The following SHE variants were observed in gnomAD, a reference collection of about 807,000 sequenced individuals.
SHE encodes the protein SH2 domain-containing adapter protein E.
Under a neutral mutation model 49.8 loss-of-function variants are expected in SHE, and 11 were observed. The observed-to-expected ratio is 0.22, with a 90% CI of 0.14 to 0.37. The LOEUF (loss-of-function observed/expected upper bound fraction) is 0.37, where lower values mean the gene tolerates loss of function less well. Among genes scored for constraint, SHE ranks in the 10% least tolerant of loss-of-function variants. The probability of loss-of-function intolerance (pLI) is 1.00; values close to 1 mark genes in which losing one functional copy is unlikely to be tolerated. For missense variants in SHE, 624 were observed against 655.5 expected (o/e 0.95, Z 0.52); for synonymous variants, 310 against 278.1 (o/e 1.11, Z -1.14).
chr1:154,492,101 T>G (rs1692386077), intron 2 of SHE, among the ~76,000 whole-genome samples: 1 of 152,130 alleles, frequency 6.6e-6, no homozygotes, highest in African/African-American at 2.4e-5. Context: ...GAAACGTTAT[T>G]AAAATCAGGA....
intron 3 of SHE, 139 bp downstream of exon 3, chr1:154,488,912 C>A: frequency 8.3e-7 from 1 of 1,200,696 alleles, no homozygotes; most frequent in Middle Eastern, 3.0e-4. Flanking sequence ...ATGGTCATTT[C>A]AGGCATTTCC....
chr1:154,484,016 C>T lies in SHE; in HGVS notation c.*133G>A. On this transcript the variant is annotated 3_prime_UTR_variant, in exon 6 of 6. Transcript: ENST00000304760. Reference sequence around the variant, plus strand: ...TCGTCTCAAACAAAACAAAACAAATCACTCTCTGACTTTTCAAGGAAGACT... The same window carrying T: ...TCGTCTCAAACAAAACAAAACAAATTACTCTCTGACTTTTCAAGGAAGACT... 7.0e-7 allele frequency: 1 copy of T among 1,436,736 alleles called. No homozygotes were observed. Among genetic ancestry groups the T allele is most frequent in the Non-Finnish European group, 9.2e-7 (1 of 1,092,892 alleles). The allele number at this position is 1,436,736 out of a possible 1,614,324, so 89.0% of individuals were successfully genotyped here. A position where few individuals can be genotyped will look rare whatever the true frequency, so the allele number is the denominator to read the frequency against.
Position 154,502,031 on chromosome 1 carries a change from C to A in SHE, c.-5G>T. 2 of 1,321,816 alleles carry A rather than the reference C, an allele frequency of 1.5e-6. No homozygotes were observed. Among genetic ancestry groups the A allele is most frequent in the South Asian group, 2.2e-5 (1 of 46,258 alleles). The allele number at this position is 1,321,816 out of a possible 1,614,324, so 81.9% of individuals were successfully genotyped here. On this transcript the variant is annotated 5_prime_UTR_variant, in exon 1 of 6. Coordinates refer to ENST00000304760, the MANE Select transcript of SHE (RefSeq NM_001010846.3). Reference sequence around the variant, plus strand: ...AGGGGTCGGGGACCACTGCATTCCCCGTGACTGGGGCGCTGGAGGCCGCGG... The same window carrying A: ...AGGGGTCGGGGACCACTGCATTCCCAGTGACTGGGGCGCTGGAGGCCGCGG...
At chr1:154,489,817 T>TA (rs1273899253) in intron 2 of SHE, among the ~76,000 whole-genome samples, 3 of 152,238 alleles carry the variant, frequency 2.0e-5, no homozygotes, top group Non-Finnish European at 4.4e-5. Flanking sequence ...TTAATACATG[T>TA]AACTTACTCA....
At position 154,480,614 on chromosome 1, in the gene SHE, G is replaced by A. The variant is rs796662667; in HGVS notation, c.*3535C>T. On this transcript the variant is annotated 3_prime_UTR_variant, in exon 6 of 6. Transcript: ENST00000304760. ...CACAAATACCAATTCTGCAAAGTAC[G>A]GAGACTTCCAACAGCAAAGAATAAA... The A allele has an allele frequency of 2.9e-5, 29 of 985,376 alleles. No homozygotes were observed. The African/African-American group carries it at 3.1e-4, about 11-fold the overall frequency. The allele number at this position is 985,376 out of a possible 1,614,324, so 61.0% of individuals were successfully genotyped here.
downstream of SHE, among the ~76,000 whole-genome samples, chr1:154,478,428 C>CAAAAAA (rs10594379): frequency 2.6e-5 from 3 of 113,374 alleles, no homozygotes; most frequent in African/African-American, 1.1e-4. Flanking sequence ...ATAAAAAGTG[C>CAAAAAA]AAAAAAAAAA....
In SHE at chr1:154,481,666, C is replaced by T. The variant is rs1482799575; in HGVS notation, c.*2483G>A. ...AGAATAAGGTTAAGTAAAAACGTTT[C>T]ATTTCTAGAATGTTAAACTAAAAAT... is the stretch of plus-strand genomic sequence containing the variant. On this transcript the variant is annotated 3_prime_UTR_variant, in exon 6 of 6. Transcript: ENST00000304760. The T allele has an allele frequency of 1.0e-6, 1 of 976,404 alleles. No individual in the cohort carries two copies. The highest frequency in any genetic ancestry group is 1.8e-5 in the African/African-American group (1 of 56,960). The allele number at this position is 976,404 out of a possible 1,614,324, so 60.5% of individuals were successfully genotyped here. A position where few individuals can be genotyped will look rare whatever the true frequency, so the allele number is the denominator to read the frequency against.
chr1:154,494,377 T>G (rs895928847), intron 2 of SHE, among the ~76,000 whole-genome samples: 13 of 148,154 alleles, frequency 8.8e-5, no homozygotes, highest in Non-Finnish European at 1.4e-4. Flanking sequence ...CATAACAGTT[T>G]TTTTTTTTTT....
intron 2 of SHE, among the ~76,000 whole-genome samples, chr1:154,491,127 TA>T (rs1290786675): frequency 2.6e-5 from 4 of 152,166 alleles, no homozygotes; most frequent in South Asian, 2.1e-4. Flanking sequence ...GTGGCTCTTC[TA>T]AACGCCCATC....
downstream of SHE, among the ~76,000 whole-genome samples, chr1:154,475,244 C>T (rs775487781): frequency 2.4e-4 from 37 of 151,856 alleles, no homozygotes; most frequent in Non-Finnish European, 4.9e-4. Flanking sequence ...TGGAGTGCAA[C>T]GGCGTGATCT....
At chr1:154,485,026 TA>T (rs1692130610) in intron 5 of SHE, 1 of 150,646 alleles carries the variant, frequency 6.6e-6, no homozygotes, top group Non-Finnish European at 1.5e-5. Context: ...TCACCACAGC[TA>T]AAAGGACGTA....
intron 3 of SHE, 27 bp from the exon 4 acceptor site, chr1:154,486,710 A>C (rs1317348754): frequency 6.2e-7 from 1 of 1,612,936 alleles, no homozygotes; most frequent in Non-Finnish European, 8.5e-7. Context: ...ATTTAACATC[A>C]CAGGCCACTG....
At chr1:154,478,646 A>G (rs1229200749), downstream of SHE, among the ~76,000 whole-genome samples, 1 of 152,166 alleles carries the variant, frequency 6.6e-6, no homozygotes, top group Non-Finnish European at 1.5e-5. Context: ...GTGCGGAAAA[A>G]GAGTCTATTC....
Position 154,482,942 on chromosome 1 carries a change from G to C in SHE, c.*1207C>G. On this transcript the variant is annotated 3_prime_UTR_variant, in exon 6 of 6. Transcript: ENST00000304760. ...ACTACAAAGCAAATCTAATTTTAGA[G>C]ACAAAAATTAAAAATTATTCCATAG... The C allele has an allele frequency of 1.0e-6, 1 of 984,838 alleles. No individual in the cohort carries two copies. The allele number at this position is 984,838 out of a possible 1,614,324, so 61.0% of individuals were successfully genotyped here. A position where few individuals can be genotyped will look rare whatever the true frequency, so the allele number is the denominator to read the frequency against.
intron 3 of SHE, among the ~76,000 whole-genome samples, chr1:154,487,609 T>C (rs1458807636): frequency 6.6e-6 from 1 of 151,902 alleles, no homozygotes. Flanking sequence ...CCCAGCACTT[T>C]GGGAGGCTGA....
At chr1:154,487,114 A>G (rs1178613671) in intron 3 of SHE, among the ~76,000 whole-genome samples, 1 of 152,090 alleles carries the variant, frequency 6.6e-6, no homozygotes, top group Non-Finnish European at 1.5e-5. Flanking sequence ...TCTACTAAAA[A>G]TACAAAAAGT....
In SHE at chr1:154,481,874, G is replaced by A. The variant is rs1247553168; in HGVS notation, c.*2275C>T. ...TTTTGTTTGCTTGCTTGTTGAGACA[G>A]GGTCTCACTCTGTCACTCAGGCTGG... On this transcript the variant is annotated 3_prime_UTR_variant, in exon 6 of 6. Coordinates refer to ENST00000304760, the MANE Select transcript of SHE (RefSeq NM_001010846.3). 17 of 837,708 alleles carry A rather than the reference G, an allele frequency of 2.0e-5. No individual in the cohort carries two copies. The highest frequency in any genetic ancestry group is 2.3e-5 in the Non-Finnish European group (16 of 695,380). The allele number at this position is 837,708 out of a possible 1,614,324, so 51.9% of individuals were successfully genotyped here. A position where few individuals can be genotyped will look rare whatever the true frequency, so the allele number is the denominator to read the frequency against.
intron 1 of SHE, among the ~76,000 whole-genome samples, chr1:154,473,723 G>A (rs980150927): frequency 1.3e-5 from 2 of 151,896 alleles, no homozygotes; most frequent in Non-Finnish European, 2.9e-5. Context: ...AGGATCACCT[G>A]AGCCTGGGAG....
At chr1:154,493,681 A>G (rs1008560450) in intron 2 of SHE, among the ~76,000 whole-genome samples, 1 of 152,228 alleles carries the variant, frequency 6.6e-6, no homozygotes, top group African/African-American at 2.4e-5. Context: ...TTCACATGAA[A>G]ACACAAAAAC....
Sources: allele counts gnomAD v4.1 joint callset (sites outside exome capture counted in the v4.1 genomes callset), GRCh38; gene constraint gnomAD v4.1.1; transcripts MANE v1.5; gene names NCBI Gene and HGNC (gene_info 2026-07-23, HGNC 2026-07-21).